CDC14A: variants seen among roughly 807,000 people sequenced by gnomAD.
CDC14A encodes dual specificity protein phosphatase CDC14A.
Under a neutral mutation model 74.4 loss-of-function variants are expected in CDC14A, and 53 were observed. The observed-to-expected ratio is 0.71, with a 90% confidence interval of 0.57 to 0.89. The LOEUF is 0.89. Ranked by LOEUF, CDC14A falls within the 40% of genes least tolerant of loss-of-function variation. The probability of loss-of-function intolerance (pLI) is 0.00; values close to 1 mark genes in which losing one functional copy is unlikely to be tolerated. For synonymous variants in CDC14A, 247 were observed against 258.4 expected, an observed-to-expected ratio of 0.96 and a Z score of 0.43; for missense variants, 646 against 713.7, an observed-to-expected ratio of 0.91 and a Z score of 1.08.
chr1:100,395,517 A>G (rs1335158072), intron 4 of CDC14A, among the ~76,000 whole-genome samples: 1 of 152,220 alleles, frequency 6.6e-6, no homozygotes, highest in Non-Finnish European at 1.5e-5. Context: ...ATCAGAATGT[A>G]TCTTTCCATC....
chr1:100,408,652 A>G (rs11802782), intron 4 of CDC14A, among the ~76,000 whole-genome samples: 10,626 of 152,180 alleles, frequency 0.07, 807 homozygotes, highest in African/African-American at 0.18. Flanking sequence ...GTTTTGATTT[A>G]CATTTCTCTA....
At chr1:100,425,019 T>G (rs1662790208) in intron 5 of CDC14A, among the ~76,000 whole-genome samples, 1 of 152,074 alleles carries the variant, frequency 6.6e-6, no homozygotes. Context: ...AATACAAAAG[T>G]TAGCCAGGCA....
At chr1:100,469,274 A>C (rs1668154747) in intron 10 of CDC14A, among the ~76,000 whole-genome samples, 1 of 152,346 alleles carries the variant, frequency 6.6e-6, no homozygotes, top group East Asian at 1.9e-4. Flanking sequence ...TTTAGTTGCC[A>C]GTCCTAGAGG....
chr1:100,366,518 A>C (rs113235104), intron 2 of CDC14A, among the ~76,000 whole-genome samples: 2 of 152,348 alleles, frequency 1.3e-5, no homozygotes, highest in Admixed American at 6.5e-5. Context: ...ATCTGTGAGA[A>C]GAGCTGCACA....
upstream of CDC14A, chr1:100,351,559 T>C (rs973570996): frequency 3.3e-6 from 2 of 607,542 alleles, no homozygotes; most frequent in Non-Finnish European, 5.8e-6. Flanking sequence ...GCTGAGACTA[T>C]GTAAAGAAAT....
intron 10 of CDC14A, among the ~76,000 whole-genome samples, chr1:100,475,677 G>C (rs1668819807): frequency 6.6e-6 from 1 of 152,100 alleles, no homozygotes; most frequent in Non-Finnish European, 1.5e-5. Context: ...GGTGGAGGTG[G>C]GAGTTCTAGT....
At chr1:100,449,370 C>T (rs1665891491) in intron 7 of CDC14A, among the ~76,000 whole-genome samples, 1 of 152,182 alleles carries the variant, frequency 6.6e-6, no homozygotes. Context: ...ATGGGCTCCA[C>T]ACTGACTAAA....
intron 8 of CDC14A, among the ~76,000 whole-genome samples, chr1:100,459,093 A>G (rs1169330338): frequency 1.5e-5 from 2 of 133,242 alleles, no homozygotes; most frequent in Admixed American, 1.5e-4. Flanking sequence ...TTAAACACAC[A>G]CACACACGCA....
chr1:100,435,724 G>A (rs1230631041), intron 5 of CDC14A, among the ~76,000 whole-genome samples: 2 of 151,900 alleles, frequency 1.3e-5, no homozygotes, highest in Non-Finnish European at 2.9e-5. Flanking sequence ...AGCTACCCGG[G>A]AGGGTGAGGC....
In CDC14A at chr1:100,424,217, C is replaced by T. The variant is rs757939197; in HGVS notation, c.310-5C>T. The T allele has an allele frequency of 1.2e-6, 2 of 1,603,246 alleles. No individual in the cohort carries two copies. Among genetic ancestry groups the T allele is most frequent in the Non-Finnish European group, 1.7e-6 (2 of 1,170,306 alleles). ...GTTCTAAATGTTACTATTTATCTGT[C>T]TTAGGTAATCTATTTAAAGAAGACA... On this transcript the variant is annotated splice_polypyrimidine_tract_variant and splice_region_variant and intron_variant, in intron 4 of 15. Transcript: ENST00000336454.
Position 100,520,167 on chromosome 1 carries a change from G to A in CDC14A, c.*1887G>A, listed in dbSNP as rs1224249157. On this transcript the variant is annotated 3_prime_UTR_variant, in exon 16 of 16. Coordinates refer to ENST00000336454, the MANE Select transcript of CDC14A (RefSeq NM_003672.4). ...TAATTTTACTCTGATAATAAAAATT[G>A]TTTGACATGTATTTTGTTATGAATA... 1 of 152,458 alleles carries A rather than the reference G, an allele frequency of 6.6e-6. No homozygotes were observed. The highest frequency in any genetic ancestry group is 2.4e-5 in the African/African-American group (1 of 41,428). The allele number at this position is 152,458 out of a possible 1,614,324, so 9.4% of individuals were successfully genotyped here.
rs756223858 is a variant in CDC14A, at chr1:100,353,021, C to T, written c.49+18C>T. The T allele has an allele frequency of 6.2e-7, 1 of 1,613,490 alleles. No individual in the cohort carries two copies. Among genetic ancestry groups the T allele is most frequent in the Non-Finnish European group, 8.5e-7 (1 of 1,179,486 alleles). ...CATGAAAGGTGAGGAGCAGCCGCCCCGCATCTTCCAACGCTTTCTTGCCCC... is the reference window on the plus strand; with the variant it reads ...CATGAAAGGTGAGGAGCAGCCGCCCTGCATCTTCCAACGCTTTCTTGCCCC... On this transcript the variant is annotated intron_variant, in intron 1 of 15. Transcript: ENST00000336454.
At chr1:100,350,511 T>C (rs972638870), upstream of CDC14A, among the ~76,000 whole-genome samples, 2 of 152,272 alleles carry the variant, frequency 1.3e-5, no homozygotes, top group Admixed American at 6.5e-5. Context: ...TAGGTCATAA[T>C]TCATTCCTCA....
chr1:100,368,207 C>T (rs57587405), intron 2 of CDC14A, among the ~76,000 whole-genome samples: 13,594 of 152,170 alleles, frequency 0.089, 2,101 homozygotes, highest in African/African-American at 0.31. Flanking sequence ...TCCATCAGTG[C>T]AGAACATTGT....
At chr1:100,471,614 T>G (rs1668403847) in intron 10 of CDC14A, among the ~76,000 whole-genome samples, 1 of 152,078 alleles carries the variant, frequency 6.6e-6, no homozygotes, top group African/African-American at 2.4e-5. Flanking sequence ...CTGCAGCAAT[T>G]ATGATATTGA....
At chr1:100,455,933 A>C (rs937414696) in intron 8 of CDC14A, among the ~76,000 whole-genome samples, 2 of 152,246 alleles carry the variant, frequency 1.3e-5, no homozygotes, top group Non-Finnish European at 2.9e-5. Context: ...CTAGTTACAC[A>C]GATCACAGCA....
chr1:100,442,923 T>A lies in CDC14A; in HGVS notation c.457-11T>A. 1 of 1,575,146 alleles carries A rather than the reference T, an allele frequency of 6.3e-7. No homozygotes were observed. The highest frequency in any genetic ancestry group is 8.7e-7 in the Non-Finnish European group (1 of 1,145,640). On this transcript the variant is annotated splice_polypyrimidine_tract_variant and intron_variant, in intron 6 of 15. Coordinates refer to ENST00000336454, the MANE Select transcript of CDC14A (RefSeq NM_003672.4). ...TTAGCATGGAAAAACTAATTCAAAT[T>A]CTGCTTTTAGGGATTACAACATGGA... is the stretch of plus-strand genomic sequence containing the variant.
chr1:100,408,144 G>C (rs937739021), intron 4 of CDC14A, among the ~76,000 whole-genome samples: 16 of 152,198 alleles, frequency 1.1e-4, no homozygotes, highest in African/African-American at 3.6e-4. Flanking sequence ...TTTAGTTCCA[G>C]CTTATAAGTG....
chr1:100,452,568 T>C (rs6703191), intron 7 of CDC14A, among the ~76,000 whole-genome samples: 41,691 of 152,060 alleles, frequency 0.27, 7,673 homozygotes, highest in African/African-American at 0.52. Flanking sequence ...ATATTTTGAG[T>C]GCACCAGGAG....
Sources: allele counts gnomAD v4.1 joint callset (sites outside exome capture counted in the v4.1 genomes callset), GRCh38; gene constraint gnomAD v4.1.1; transcripts MANE v1.5; gene names NCBI Gene and HGNC (gene_info 2026-07-23, HGNC 2026-07-21).